BANK1: variants seen among roughly 807,000 people sequenced by gnomAD.
The protein encoded by BANK1 is B cell scaffold protein with ankyrin repeats 1.
Under a neutral mutation model 94.5 loss-of-function variants are expected in BANK1, and 95 were observed. That is an observed-to-expected ratio of 1.00 (90% CI 0.85 to 1.19). The LOEUF is 1.19. Ranked by LOEUF, BANK1 falls within the 50% of genes most tolerant of loss-of-function variation. The pLI, the probability that BANK1 is intolerant of heterozygous loss-of-function variation, is 0.00. For missense variants in BANK1, 987 were observed against 932.2 expected, an observed-to-expected ratio of 1.06 and a Z score of -0.77; for synonymous variants, 334 against 308.4, an observed-to-expected ratio of 1.08 and a Z score of -0.87.
At chr4:101,795,668 T>C (rs10010487) in intron 1 of BANK1, among the ~76,000 whole-genome samples, 6,003 of 152,260 alleles carry the variant, frequency 0.039, 326 homozygotes, top group African/African-American at 0.12. Context: ...TGACATAAAA[T>C]TGAGGCAAAA....
At chr4:101,840,534 G>GA (rs140028869) in intron 2 of BANK1, among the ~76,000 whole-genome samples, 1,912 of 152,212 alleles carry the variant, frequency 0.013, 32 homozygotes, top group East Asian at 0.06. Context: ...ACTCAGGGCG[G>GA]AAAACCACTT....
rs544952369 is a variant in BANK1, at chr4:101,974,819, C to T, written c.1207-46695C>T. Among the ~76,000 whole-genome samples the T allele has an allele frequency of 1.1e-4, 16 of 151,342 alleles. No individual in the cohort carries two copies. The East Asian group carries it at 1.7e-3, about 17-fold the overall frequency. ...AAAAAAAAAAAAAATTAGCTGGGCA[C>T]GGTGGCAGGTGCCTGTAATCCCAGC... is the stretch of plus-strand genomic sequence containing the variant. On this transcript the variant is annotated intron_variant, in intron 7 of 16. Transcript: ENST00000322953.
In BANK1 at chr4:101,915,814, C is replaced by T. The variant is rs933109387; in HGVS notation, c.1010-2179C>T. 4.6e-5 allele frequency among the ~76,000 whole-genome samples: 7 copies of T among 151,990 alleles called. No individual in the cohort carries two copies. The East Asian group carries it at 1.4e-3, about 29-fold the overall frequency. ...TTTAGAAGCATGATAACCTTGGCAG[C>T]ATTTTTTTGTTTCTTAAAATTCCAA... On this transcript the variant is annotated intron_variant, in intron 6 of 16. Coordinates refer to ENST00000322953, the MANE Select transcript of BANK1 (RefSeq NM_017935.5).
At position 102,030,113 on chromosome 4, in the gene BANK1, T is replaced by C. The variant is rs1290361425; in HGVS notation, c.1748T>C (p.Ile583Thr). Residue 583 changes from isoleucine to threonine, a missense_variant, in exon 10 of 17, where the codon ATT (isoleucine) becomes ACT (threonine). Ile to Thr is a moderately conservative substitution (Grantham distance 89, BLOSUM62 -1). Coordinates refer to ENST00000322953, the MANE Select transcript of BANK1 (RefSeq NM_017935.5). ...EEEDPYTFAE[I>T]DDSEYDMILA... ...GAAGACCCATATACTTTTGCTGAGA[T>C]TGATGACAGTGAATATGACATGATA... The C allele has an allele frequency of 1.2e-6, 2 of 1,613,916 alleles. No individual in the cohort carries two copies. The highest frequency in any genetic ancestry group is 1.3e-5 in the African/African-American group (1 of 74,978).
At chr4:101,866,332 CTGTT>C (rs1479408362) in intron 4 of BANK1, among the ~76,000 whole-genome samples, 1 of 151,936 alleles carries the variant, frequency 6.6e-6, no homozygotes, top group East Asian at 1.9e-4. Context: ...GTTTTTTTGT[CTGTT>C]TGTTTTTTAA....
chr4:101,999,256 G>A (rs760120882), intron 7 of BANK1, among the ~76,000 whole-genome samples: 21 of 151,988 alleles, frequency 1.4e-4, no homozygotes, highest in Non-Finnish European at 2.4e-4. Context: ...GAATTATTTT[G>A]TGAAAATTCC....
intron 7 of BANK1, among the ~76,000 whole-genome samples, chr4:101,989,710 C>G (rs1357022035): frequency 6.6e-6 from 1 of 151,860 alleles, no homozygotes; most frequent in African/African-American, 2.4e-5. Context: ...GACAGCCTCT[C>G]CATTTGGGGC....
At position 101,997,044 on chromosome 4, in the gene BANK1, C is replaced by A. The variant is rs148410373; in HGVS notation, c.1207-24470C>A. ...GGAATGCTTCCAGCTTTTGCCCATT[C>A]AGTATGAAAATGGCTGTGTGTTTGT... On this transcript the variant is annotated intron_variant, in intron 7 of 16. Coordinates refer to ENST00000322953, the MANE Select transcript of BANK1 (RefSeq NM_017935.5). Among the ~76,000 whole-genome samples, 369 of 152,222 alleles carry A rather than the reference C, an allele frequency of 2.4e-3. 4 individuals carry two copies. The highest frequency in any genetic ancestry group is 0.017 in the Admixed American group (266 of 15,300).
At chr4:101,866,601 G>A (rs866031990) in intron 4 of BANK1, among the ~76,000 whole-genome samples, 1 of 152,030 alleles carries the variant, frequency 6.6e-6, no homozygotes, top group Non-Finnish European at 1.5e-5. Flanking sequence ...CAGAGAAAAC[G>A]AATACCTTAC....
intron 6 of BANK1, among the ~76,000 whole-genome samples, chr4:101,901,340 G>A (rs913410602): frequency 3.3e-5 from 5 of 152,198 alleles, no homozygotes; most frequent in Non-Finnish European, 5.9e-5. Context: ...AATGCAAAGT[G>A]TTAATGAGTA....
At chr4:102,060,415 G>A in intron 12 of BANK1, 26 bp downstream of exon 12, 1 of 1,579,198 alleles carries the variant, frequency 6.3e-7, no homozygotes. Flanking sequence ...TGTTTTCTGG[G>A]ACATTCCCTC....
chr4:101,831,090 CA>C (rs1726599882), intron 2 of BANK1, among the ~76,000 whole-genome samples: 1 of 152,168 alleles, frequency 6.6e-6, no homozygotes, highest in African/African-American at 2.4e-5. Flanking sequence ...ATGTGTCTCT[CA>C]TGATGAAAAT....
At chr4:101,977,987 G>A (rs983882062) in intron 7 of BANK1, among the ~76,000 whole-genome samples, 4 of 150,842 alleles carry the variant, frequency 2.7e-5, no homozygotes, top group African/African-American at 4.9e-5. Context: ...TTTTTGAGAC[G>A]GAGTCTCACC....
intron 12 of BANK1, 110 bp downstream of exon 12, chr4:102,060,499 T>A: frequency 8.6e-7 from 1 of 1,163,086 alleles, no homozygotes; most frequent in Non-Finnish European, 1.2e-6. Flanking sequence ...CATTTTTAAC[T>A]AGCCACTAAG....
intron 6 of BANK1, among the ~76,000 whole-genome samples, chr4:101,910,035 G>A (rs985381046): frequency 1.3e-5 from 2 of 152,056 alleles, no homozygotes; most frequent in Non-Finnish European, 2.9e-5. Context: ...CAATTTTCTT[G>A]TCTATCCACT....
intron 2 of BANK1, among the ~76,000 whole-genome samples, chr4:101,831,655 AGAG>A (rs990018299): frequency 6.6e-6 from 1 of 152,062 alleles, no homozygotes; most frequent in African/African-American, 2.4e-5. Context: ...TTGTATTTTT[AGAG>A]GAGATGAGGT....
chr4:102,011,866 C>T (rs997595543), intron 7 of BANK1, among the ~76,000 whole-genome samples: 1 of 151,960 alleles, frequency 6.6e-6, no homozygotes, highest in African/African-American at 2.4e-5. Flanking sequence ...TTTAATAGGT[C>T]TGTATTTAGG....
At chr4:101,918,285 T>G (rs1722895321) in intron 7 of BANK1, 96 bp downstream of exon 7, 2 of 808,782 alleles carry the variant, frequency 2.5e-6, no homozygotes, top group Admixed American at 6.6e-5. Context: ...ACCGTTTTCT[T>G]TAAGACTCTA....
intron 1 of BANK1, among the ~76,000 whole-genome samples, chr4:101,800,660 T>G (rs1207340830): frequency 6.6e-6 from 1 of 152,244 alleles, no homozygotes; most frequent in Non-Finnish European, 1.5e-5. Flanking sequence ...TCTAAGAGAC[T>G]GACTATTGCT....
Sources: allele counts gnomAD v4.1 joint callset (sites outside exome capture counted in the v4.1 genomes callset), GRCh38; gene constraint gnomAD v4.1.1; transcripts MANE v1.5; gene names NCBI Gene and HGNC (gene_info 2026-07-23, HGNC 2026-07-21).